PDZRN3: variants seen among roughly 807,000 people sequenced by gnomAD.
PDZRN3 encodes the protein PDZ domain containing ring finger 3, also known as E3 ubiquitin-protein ligase PDZRN3.
A neutral mutation model predicts 85.7 loss-of-function variants in PDZRN3; 38 were observed. That is an observed-to-expected ratio of 0.44 (90% confidence interval 0.34 to 0.58). PDZRN3 has a LOEUF of 0.58. Ranked by LOEUF, PDZRN3 falls within the 20% of genes least tolerant of loss-of-function variation. The pLI, the probability that PDZRN3 is intolerant of heterozygous loss-of-function variation, is 0.01. For synonymous variants in PDZRN3, 759 were observed against 638.0 expected, an observed-to-expected ratio of 1.19 and a Z score of -2.86; for missense variants, 1,629 against 1,506.4, an observed-to-expected ratio of 1.08 and a Z score of -1.35.
chr3:73,399,562 C>T lies in PDZRN3; in HGVS notation c.1254+1360G>A, dbSNP rs147261301. 1.2e-3 allele frequency among the ~76,000 whole-genome samples: 185 copies of T among 152,246 alleles called. 1 individual carries two copies. Among genetic ancestry groups the T allele is most frequent in the African/African-American group, 4.3e-3 (177 of 41,534 alleles). On this transcript the variant is annotated intron_variant, in intron 5 of 9. Coordinates refer to ENST00000263666, the MANE Select transcript of PDZRN3 (RefSeq NM_015009.3). Reference sequence around the variant, plus strand: ...ACATAACAAATTAAGGAACAAGTGTCCTGAAGGAGTCACGGCTGCTTCACC... The same window carrying T: ...ACATAACAAATTAAGGAACAAGTGTTCTGAAGGAGTCACGGCTGCTTCACC...
chr3:73,590,883 G>A (rs1266803307), intron 3 of PDZRN3, among the ~76,000 whole-genome samples: 2 of 152,156 alleles, frequency 1.3e-5, no homozygotes, highest in African/African-American at 4.8e-5. Context: ...TCTATTTTAC[G>A]TGAAGTTCTC....
At chr3:73,569,561 C>T (rs1702013701) in intron 3 of PDZRN3, 1 of 1,052,180 alleles carries the variant, frequency 9.5e-7, no homozygotes, top group South Asian at 3.2e-5. Context: ...CACCCCCACA[C>T]CCGCACACAC....
intron 3 of PDZRN3, among the ~76,000 whole-genome samples, chr3:73,472,460 T>C (rs1703363396): frequency 6.6e-6 from 1 of 152,218 alleles, no homozygotes; most frequent in African/African-American, 2.4e-5. Context: ...AACCCGTATA[T>C]GCCCTCGGTC....
chr3:73,403,511 G>GT (rs1701795199), intron 4 of PDZRN3, among the ~76,000 whole-genome samples: 1 of 152,174 alleles, frequency 6.6e-6, no homozygotes, highest in Non-Finnish European at 1.5e-5. Context: ...ACAAAACAAA[G>GT]TAAGTTACCC....
In PDZRN3 at chr3:73,390,969, C is replaced by G. The variant is rs761524234; in HGVS notation, c.1353+49G>C. The stretch of plus-strand genomic sequence containing the variant: ...GGTTGGTGAACATGAAAAAAAAAAC[C>G]CTTTTGGTCTTGATACGATAGTTAG... On this transcript the variant is annotated intron_variant, in intron 6 of 9. Coordinates refer to ENST00000263666, the MANE Select transcript of PDZRN3 (RefSeq NM_015009.3). The G allele has an allele frequency of 1.2e-5, 15 of 1,227,584 alleles. No individual in the cohort carries two copies. In the East Asian group the frequency reaches 2.1e-4, roughly 17 times the overall value. The allele number at this position is 1,227,584 out of a possible 1,614,324, so 76.0% of individuals were successfully genotyped here.
intron 3 of PDZRN3, among the ~76,000 whole-genome samples, chr3:73,487,308 G>A (rs937710885): frequency 2.0e-5 from 3 of 152,030 alleles, no homozygotes; most frequent in African/African-American, 2.4e-5. Flanking sequence ...AGAGGGTCAC[G>A]TTCTTCTTTA....
intron 3 of PDZRN3, among the ~76,000 whole-genome samples, chr3:73,592,827 A>G (rs914514347): frequency 6.6e-6 from 1 of 152,064 alleles, no homozygotes; most frequent in East Asian, 1.9e-4. Context: ...GCGTCTTCCT[A>G]TTTGCAATTA....
At chr3:73,412,470 T>G (rs887669549) in intron 3 of PDZRN3, among the ~76,000 whole-genome samples, 23 of 152,296 alleles carry the variant, frequency 1.5e-4, no homozygotes, top group African/African-American at 5.1e-4. Context: ...GTGTTTTCTA[T>G]TTTGTGTCAC....
intron 1 of PDZRN3, among the ~76,000 whole-genome samples, chr3:73,615,582 T>C (rs1234016202): frequency 1.3e-5 from 2 of 152,222 alleles, no homozygotes; most frequent in African/African-American, 2.4e-5. Flanking sequence ...CTTTCTACTA[T>C]GTGAGCACAA....
At chr3:73,513,175 G>C (rs1377655183) in intron 3 of PDZRN3, among the ~76,000 whole-genome samples, 1 of 152,170 alleles carries the variant, frequency 6.6e-6, no homozygotes, top group African/African-American at 2.4e-5. Flanking sequence ...CTTCCCAAGA[G>C]TTAAATGGGA....
At chr3:73,398,604 C>T (rs1397626362) in intron 5 of PDZRN3, among the ~76,000 whole-genome samples, 1 of 152,212 alleles carries the variant, frequency 6.6e-6, no homozygotes, top group Non-Finnish European at 1.5e-5. Context: ...GAGTGGCTCC[C>T]TCCTGCTGAA....
intron 3 of PDZRN3, among the ~76,000 whole-genome samples, chr3:73,495,896 T>C (rs192009256): frequency 6.6e-5 from 10 of 152,324 alleles, no homozygotes; most frequent in Admixed American, 2.6e-4. Flanking sequence ...CTAATTAAGA[T>C]AGAAACCATA....
chr3:73,498,985 A>G (rs1424420843), intron 3 of PDZRN3, among the ~76,000 whole-genome samples: 1 of 152,158 alleles, frequency 6.6e-6, no homozygotes, highest in Non-Finnish European at 1.5e-5. Flanking sequence ...AAGCTGGGGT[A>G]GCAGGGTCCC....
intron 1 of PDZRN3, among the ~76,000 whole-genome samples, chr3:73,615,608 C>T (rs991152108): frequency 6.6e-6 from 1 of 152,182 alleles, no homozygotes; most frequent in Non-Finnish European, 1.5e-5. Flanking sequence ...GAAAGACAGC[C>T]ATCTGTGAAC....
At chr3:73,422,188 A>T (rs1702217070) in intron 3 of PDZRN3, among the ~76,000 whole-genome samples, 1 of 152,172 alleles carries the variant, frequency 6.6e-6, no homozygotes, top group African/African-American at 2.4e-5. Context: ...CTAGAGGGAG[A>T]TGCCCACTAA....
chr3:73,384,697 C>G lies in PDZRN3; in HGVS notation c.1869G>C (p.Glu623Asp), dbSNP rs1372540988. 9.3e-6 allele frequency: 15 copies of G among 1,613,936 alleles called. No homozygotes were observed. The highest frequency in any genetic ancestry group is 1.3e-5 in the Non-Finnish European group (15 of 1,180,048). The change falls in exon 10 of 10, where the codon GAG becomes GAC. Residue 623 changes from glutamate to aspartate, a missense_variant. By Grantham distance (45) the Glu-to-Asp change is conservative (BLOSUM62 2). Coordinates refer to ENST00000263666, the MANE Select transcript of PDZRN3 (RefSeq NM_015009.3). ...LGSGDLPFSNESFISADCTDA... is the reference protein window; with the variant it reads ...LGSGDLPFSNDSFISADCTDA... ...CCGTGCAGTCGGCCGAAATGAAAGA[C>G]TCGTTGCTGAAGGGCAGGTCGCCGC...
intron 3 of PDZRN3, among the ~76,000 whole-genome samples, chr3:73,453,722 A>C (rs975081668): frequency 1.3e-5 from 2 of 152,196 alleles, no homozygotes; most frequent in Admixed American, 1.3e-4. Context: ...AGAACGCTTA[A>C]TTCCTGTAAG....
intron 3 of PDZRN3, among the ~76,000 whole-genome samples, chr3:73,499,464 G>C (rs1258714164): frequency 2.0e-5 from 3 of 152,092 alleles, no homozygotes; most frequent in Non-Finnish European, 2.9e-5. Flanking sequence ...TCTGTCTCGA[G>C]TCCTTACACC....
intron 3 of PDZRN3, 30 bp downstream of exon 3, chr3:73,602,324 A>C: frequency 8.4e-7 from 1 of 1,187,578 alleles, no homozygotes; most frequent in East Asian, 2.3e-5. Context: ...CATTCAGCCT[A>C]TTCAAAGACA....
Sources: gnomAD v4.1 joint callset for allele counts (sites outside exome capture counted in the v4.1 genomes callset) on GRCh38, gnomAD v4.1.1 for gene constraint, MANE v1.5 for transcripts, NCBI Gene and HGNC (gene_info 2026-07-23, HGNC 2026-07-21) for gene names.